UBAP2L: variants seen among roughly 807,000 people sequenced by gnomAD.
UBAP2L encodes the protein ubiquitin associated protein 2 like.
In UBAP2L, 12 loss-of-function variants were observed where a neutral mutation model predicts 130.6. The ratio of observed to expected loss-of-function variants is 0.09; its 90% CI spans 0.06 to 0.15. The LOEUF (loss-of-function observed/expected upper bound fraction) is 0.15, where lower values mean the gene tolerates loss of function less well. UBAP2L is among the 10% of genes least tolerant of loss of function. UBAP2L has a pLI of 1.00. For missense variants in UBAP2L, 965 were observed against 1,332.5 expected (o/e 0.72, Z 4.29); for synonymous variants, 503 against 524.7 (o/e 0.96, Z 0.57).
chr1:154,225,171 A>G lies in UBAP2L; in HGVS notation c.48A>G (p.Gln16=). ...GTNRARGNWE[Q]PQNQNQTQHK... Reference sequence around the variant, plus strand: ...ACCGAGCCCGGGGAAACTGGGAACAACCTCAAAACCAAAACCAGACACAGC... The same window carrying G: ...ACCGAGCCCGGGGAAACTGGGAACAGCCTCAAAACCAAAACCAGACACAGC... Residue 16 remains glutamine (Q), a synonymous_variant, in exon 2 of 27, where the codon CAA becomes CAG. Transcript: ENST00000428931. 6.2e-7 allele frequency: 1 copy of G among 1,614,174 alleles called. No homozygotes were observed. The highest frequency in any genetic ancestry group is 8.5e-7 in the Non-Finnish European group (1 of 1,180,026).
At chr1:154,247,390 A>G (rs1452657910) in intron 11 of UBAP2L, among the ~76,000 whole-genome samples, 1 of 152,230 alleles carries the variant, frequency 6.6e-6, no homozygotes, top group East Asian at 1.9e-4. Flanking sequence ...GATTAAATAG[A>G]AAAAGAAGAA....
At chr1:154,244,243 C>T (rs1363039745) in intron 10 of UBAP2L, among the ~76,000 whole-genome samples, 1 of 152,242 alleles carries the variant, frequency 6.6e-6, no homozygotes, top group Non-Finnish European at 1.5e-5. Flanking sequence ...AAGCTCAGTT[C>T]TACAAGAGTG....
chr1:154,256,789 A>G (rs148761417), intron 18 of UBAP2L, among the ~76,000 whole-genome samples: 1 of 152,326 alleles, frequency 6.6e-6, no homozygotes, highest in African/African-American at 2.4e-5. Context: ...TCTCTGGGGA[A>G]TCTGTCTCCA....
intron 4 of UBAP2L, among the ~76,000 whole-genome samples, chr1:154,231,461 T>C (rs1170120214): frequency 1.3e-5 from 2 of 151,924 alleles, no homozygotes; most frequent in Non-Finnish European, 2.9e-5. Context: ...CCACCACACC[T>C]GGCTGATTTT....
chr1:154,254,334 T>C (rs1323373158), intron 15 of UBAP2L, among the ~76,000 whole-genome samples: 1 of 152,214 alleles, frequency 6.6e-6, no homozygotes, highest in Non-Finnish European at 1.5e-5. Context: ...AGAATCAGTC[T>C]CAAGTGCCTG....
chr1:154,225,758 C>T (rs915445049), intron 2 of UBAP2L, among the ~76,000 whole-genome samples: 3 of 152,236 alleles, frequency 2.0e-5, no homozygotes, highest in African/African-American at 7.2e-5. Context: ...TTTCCCTTCT[C>T]TTACCTGGGC....
intron 7 of UBAP2L, 146 bp from the exon 8 acceptor site, chr1:154,236,878 A>G: frequency 1.4e-6 from 1 of 694,074 alleles, no homozygotes; most frequent in Non-Finnish European, 2.4e-6. Flanking sequence ...GTGATAAGTG[A>G]GAAAAAGTAG....
Position 154,228,674 on chromosome 1 carries a change from T to C in UBAP2L, c.228T>C (p.Asn76=), listed in dbSNP as rs1228143973. ...GTGTGATTGCTTTGCATGACTGCAATGGAGATGTCAACAGAGCTATCAATG... is the reference window on the plus strand; with the variant it reads ...GTGTGATTGCTTTGCATGACTGCAACGGAGATGTCAACAGAGCTATCAATG... ...DECVIALHDC[N]GDVNRAINVL... Residue 76 remains asparagine, a synonymous_variant, in exon 4 of 27, where the codon AAT becomes AAC. Coordinates refer to ENST00000428931, the MANE Select transcript of UBAP2L (RefSeq NM_014847.4). 6 of 1,613,756 alleles carry C rather than the reference T, an allele frequency of 3.7e-6. No homozygotes were observed. The highest frequency in any genetic ancestry group is 1.1e-5 in the South Asian group (1 of 91,080).
At position 154,228,595 on chromosome 1, in the gene UBAP2L, T is replaced by G; in HGVS notation, c.169-20T>G. 6.3e-7 allele frequency: 1 copy of G among 1,581,326 alleles called. No homozygotes were observed. The highest frequency in any genetic ancestry group is 8.7e-7 in the Non-Finnish European group (1 of 1,150,712). ...TGAGCATAAGCCTGTTCATGATGGT[T>G]GCTGTTTTTTCTCTTTCAGTTGATT... On this transcript the variant is annotated intron_variant, in intron 3 of 26. Coordinates refer to ENST00000428931, the MANE Select transcript of UBAP2L (RefSeq NM_014847.4).
intron 20 of UBAP2L, 88 bp from the exon 21 acceptor site, chr1:154,258,889 G>T: frequency 9.4e-7 from 1 of 1,066,480 alleles, no homozygotes; most frequent in East Asian, 2.4e-5. Flanking sequence ...GAGGATGAAT[G>T]TTCTGTTGAA....
rs199985692 is a variant in UBAP2L at position 154,257,053 on chromosome 1, C to G, written c.2158-10C>G. 10 of 1,610,612 alleles carry G rather than the reference C, an allele frequency of 6.2e-6. No homozygotes were observed. Among genetic ancestry groups the G allele is most frequent in the Non-Finnish European group, 7.6e-6 (9 of 1,178,584 alleles). On this transcript the variant is annotated splice_polypyrimidine_tract_variant and intron_variant, in intron 18 of 26. Transcript: ENST00000428931. Reference sequence around the variant, plus strand: ...TCTTCTTCTCTCTTCCACTGCTCCCCCTTTTGAAGCACACAAGTGTGGAGA... The same window carrying G: ...TCTTCTTCTCTCTTCCACTGCTCCCGCTTTTGAAGCACACAAGTGTGGAGA...
intron 26 of UBAP2L, 170 bp downstream of exon 26, chr1:154,269,124 G>C: frequency 2.1e-6 from 2 of 939,876 alleles, no homozygotes; most frequent in Non-Finnish European, 3.2e-6. Context: ...TAACACGAGC[G>C]GCCGGCAAAG....
At chr1:154,240,786 C>G (rs1458567511) in intron 8 of UBAP2L, among the ~76,000 whole-genome samples, 1 of 151,500 alleles carries the variant, frequency 6.6e-6, no homozygotes, top group Non-Finnish European at 1.5e-5. Context: ...TTCAGACTGC[C>G]TACAGTATTT....
intron 25 of UBAP2L, among the ~76,000 whole-genome samples, 184 bp from the exon 26 acceptor site, chr1:154,268,573 G>C (rs1477277046): frequency 6.6e-6 from 1 of 152,152 alleles, no homozygotes; most frequent in Non-Finnish European, 1.5e-5. Context: ...AGTATGCCCA[G>C]GTTCACACAG....
intron 9 of UBAP2L, 57 bp from the exon 10 acceptor site, chr1:154,243,160 A>G (rs1264060727): frequency 2.0e-6 from 3 of 1,487,248 alleles, no homozygotes; most frequent in Non-Finnish European, 2.8e-6. Context: ...TACCTATGCC[A>G]AGTTTCTGAC....
intron 7 of UBAP2L, among the ~76,000 whole-genome samples, 182 bp downstream of exon 7, chr1:154,236,793 T>A (rs867863742): frequency 6.6e-6 from 1 of 152,202 alleles, no homozygotes; most frequent in African/African-American, 2.4e-5. Flanking sequence ...TATCTTTATT[T>A]GAATCAATAT....
At position 154,270,168 on chromosome 1, in the gene UBAP2L, TTCC is replaced by T. The variant is rs769019182; in HGVS notation, c.3169-26_3169-24del. 7.1e-6 allele frequency: 11 copies of T among 1,550,998 alleles called. No homozygotes were observed. The African/African-American group carries it at 1.1e-4, about 16-fold the overall frequency. On this transcript the variant is annotated intron_variant, in intron 26 of 26. Coordinates refer to ENST00000428931, the MANE Select transcript of UBAP2L (RefSeq NM_014847.4). ...TTTGTACCACTAACTAGACACCTTT[TTCC>T]TCCTCATGATCCTCCCATTCCCCTG...
At chr1:154,250,562 G>T (rs754412819) in intron 12 of UBAP2L, among the ~76,000 whole-genome samples, 7 of 152,020 alleles carry the variant, frequency 4.6e-5, no homozygotes, top group Non-Finnish European at 8.8e-5. Flanking sequence ...TTTATTTAAG[G>T]ATGGTTGTAG....
intron 22 of UBAP2L, 123 bp from the exon 23 acceptor site, chr1:154,260,769 C>A: frequency 1.1e-6 from 1 of 927,772 alleles, no homozygotes; most frequent in Non-Finnish European, 1.6e-6. Flanking sequence ...AAATGTAATT[C>A]AAGGAATTGA....
Sources: gnomAD v4.1 joint callset for allele counts (sites outside exome capture counted in the v4.1 genomes callset) on GRCh38, gnomAD v4.1.1 for gene constraint, MANE v1.5 for transcripts, NCBI Gene and HGNC (gene_info 2026-07-23, HGNC 2026-07-21) for gene names.